The following LOC128462377 variants were observed in gnomAD, a reference collection of about 807,000 sequenced individuals.
chr16:89,411,502 C>A, the LOC128462377 span, among the ~76,000 whole-genome samples: 1 of 152,202 alleles, frequency 6.6e-6, no homozygotes, highest in African/African-American at 2.4e-5. Context: ...CAACCTCTGC[C>A]TCCCGAGCTC....
At chr16:89,322,352 G>A in the LOC128462377 span, among the ~76,000 whole-genome samples, 7 of 152,182 alleles carry the variant, frequency 4.6e-5, no homozygotes, top group Non-Finnish European at 1.0e-4. Context: ...CTTTACGTAC[G>A]TCCTGGGCAA....
the LOC128462377 span, among the ~76,000 whole-genome samples, chr16:89,319,809 T>A: frequency 6.6e-6 from 1 of 152,226 alleles, no homozygotes; most frequent in Non-Finnish European, 1.5e-5. Flanking sequence ...TCTAGAGTCT[T>A]TTTCAATGAG....
At chr16:89,327,084 AAATGCAGAGGTGGGG>A in the LOC128462377 span, among the ~76,000 whole-genome samples, 1 of 150,486 alleles carries the variant, frequency 6.6e-6, no homozygotes, top group Non-Finnish European at 1.5e-5. Flanking sequence ...CAGAGGTTGG[AAATGCAGAGGTGGGG>A]AATGCAGAGG....
the LOC128462377 span, chr16:89,323,296 GAC>G: frequency 1.6e-6 from 2 of 1,288,928 alleles, no homozygotes; most frequent in Non-Finnish European, 2.0e-6. Context: ...GCCCTTGAGT[GAC>G]ACACCCTATG....
the LOC128462377 span, among the ~76,000 whole-genome samples, chr16:89,340,316 C>T: frequency 1.3e-5 from 2 of 152,226 alleles, no homozygotes; most frequent in African/African-American, 4.8e-5. Context: ...CTCGCTCTGT[C>T]GCCCAGGCTG....
At chr16:89,341,307 C>T in the LOC128462377 span, among the ~76,000 whole-genome samples, 3 of 152,036 alleles carry the variant, frequency 2.0e-5, no homozygotes, top group Non-Finnish European at 2.9e-5. Context: ...CAGGATTTTT[C>T]GTTTTAAATT....
At chr16:89,324,373 C>A in the LOC128462377 span, 2 of 768,004 alleles carry the variant, frequency 2.6e-6, no homozygotes, top group Non-Finnish European at 3.9e-6. Flanking sequence ...AGGAGGGCGG[C>A]ACGTGGGCGC....
the LOC128462377 span, among the ~76,000 whole-genome samples, chr16:89,378,120 C>T: frequency 6.6e-6 from 1 of 152,036 alleles, no homozygotes; most frequent in Non-Finnish European, 1.5e-5. Context: ...GAGGCCGAGG[C>T]GGAAGGATCA....
the LOC128462377 span, among the ~76,000 whole-genome samples, chr16:89,393,761 C>T: frequency 6.6e-6 from 1 of 152,100 alleles, no homozygotes; most frequent in Non-Finnish European, 1.5e-5. Flanking sequence ...TATTGCCCTT[C>T]ATTCTGGAAT....
chr16:89,384,020 G>C, the LOC128462377 span, among the ~76,000 whole-genome samples: 2 of 152,176 alleles, frequency 1.3e-5, no homozygotes, highest in Admixed American at 6.5e-5. Flanking sequence ...AGCAGTTCAA[G>C]ACCAGCCTGG....
chr16:89,413,187 G>A, the LOC128462377 span, among the ~76,000 whole-genome samples: 1 of 152,310 alleles, frequency 6.6e-6, no homozygotes, highest in South Asian at 2.1e-4. Flanking sequence ...CCTAGCCACA[G>A]ATAATTCCTC....
chr16:89,326,893 G>A, the LOC128462377 span, among the ~76,000 whole-genome samples: 19 of 152,350 alleles, frequency 1.2e-4, no homozygotes, highest in African/African-American at 4.6e-4. Context: ...ACATCTGCAC[G>A]TGGGGCTGAC....
chr16:89,329,287 CCT>C, the LOC128462377 span, among the ~76,000 whole-genome samples: 1 of 152,178 alleles, frequency 6.6e-6, no homozygotes, highest in Admixed American at 6.5e-5. Context: ...GGGCGGTCAC[CCT>C]GTCTTCCAAT....
chr16:89,397,925 C>T, the LOC128462377 span, among the ~76,000 whole-genome samples: 1 of 152,382 alleles, frequency 6.6e-6, no homozygotes, highest in Admixed American at 6.5e-5. Context: ...CGGGTGGCAA[C>T]ACAGGACCCT....
At chr16:89,331,155 T>C in the LOC128462377 span, among the ~76,000 whole-genome samples, 1 of 152,150 alleles carries the variant, frequency 6.6e-6, no homozygotes, top group Non-Finnish European at 1.5e-5. Context: ...GGTTTCGCCA[T>C]GTTGGCCAGG....
chr16:89,317,057 G>A, the LOC128462377 span: 3 of 1,595,348 alleles, frequency 1.9e-6, no homozygotes, highest in South Asian at 3.4e-5. Flanking sequence ...TACACGGCCG[G>A]CGCTTCATCA....
chr16:89,322,741 T>C, the LOC128462377 span, among the ~76,000 whole-genome samples: 1 of 152,080 alleles, frequency 6.6e-6, no homozygotes, highest in African/African-American at 2.4e-5. Flanking sequence ...ACCAGGGGCT[T>C]GCTCCCACGT....
At chr16:89,328,540 G>A in the LOC128462377 span, among the ~76,000 whole-genome samples, 2 of 150,832 alleles carry the variant, frequency 1.3e-5, no homozygotes, top group African/African-American at 5.0e-5. Context: ...CCAAGCGTAT[G>A]GGTGAATCTG....
At chr16:89,321,198 T>C in the LOC128462377 span, 2 of 152,340 alleles carry the variant, frequency 1.3e-5, no homozygotes, top group African/African-American at 4.8e-5. Context: ...TTAAGCCTGA[T>C]GCAGAAGTGG....
Sources: gnomAD v4.1 joint callset for allele counts (sites outside exome capture counted in the v4.1 genomes callset) on GRCh38, gnomAD v4.1.1 for gene constraint, MANE v1.5 for transcripts.